Variants in TTC29 observed in about 807,000 individuals in gnomAD.
TTC29 encodes tetratricopeptide repeat domain 29, also known as tetratricopeptide repeat protein 29.
A neutral mutation model predicts 58.1 loss-of-function variants in TTC29; 49 were observed. The ratio of observed to expected loss-of-function variants is 0.84; its 90% confidence interval spans 0.67 to 1.07. The LOEUF is 1.07. TTC29 is among the 50% of genes least tolerant of loss of function. The probability of loss-of-function intolerance (pLI) is 0.00; values close to 1 mark genes in which losing one functional copy is unlikely to be tolerated. For missense variants in TTC29, 582 were observed against 555.6 expected (o/e 1.05, Z -0.48); for synonymous variants, 209 against 196.8 (o/e 1.06, Z -0.52).
intron 9 of TTC29, among the ~76,000 whole-genome samples, chr4:146,832,727 G>A (rs1728249915): frequency 2.0e-5 from 3 of 152,072 alleles, no homozygotes; most frequent in Non-Finnish European, 2.9e-5. Context: ...CCTGACCTCA[G>A]GTGATCTGCT....
chr4:146,846,874 A>G (rs75736990), intron 8 of TTC29, among the ~76,000 whole-genome samples: 1 of 152,178 alleles, frequency 6.6e-6, no homozygotes, highest in Non-Finnish European at 1.5e-5. Flanking sequence ...GAAAGCCTTG[A>G]AAAACATGTT....
At chr4:146,938,763 A>G (rs1736083269) in intron 3 of TTC29, among the ~76,000 whole-genome samples, 2 of 152,338 alleles carry the variant, frequency 1.3e-5, no homozygotes, top group South Asian at 4.1e-4. Context: ...GCATGAGAAC[A>G]AAGAAACCTC....
At chr4:146,800,419 T>C (rs1014332832) in intron 11 of TTC29, among the ~76,000 whole-genome samples, 1 of 152,220 alleles carries the variant, frequency 6.6e-6, no homozygotes, top group African/African-American at 2.4e-5. Context: ...ATCTTTCAGA[T>C]CTTTGATCTG....
At chr4:146,940,534 T>C (rs1197746247) in intron 2 of TTC29, among the ~76,000 whole-genome samples, 1 of 152,220 alleles carries the variant, frequency 6.6e-6, no homozygotes, top group African/African-American at 2.4e-5. Context: ...CAGGGTATCA[T>C]AGGCATGGAT....
intron 11 of TTC29, among the ~76,000 whole-genome samples, chr4:146,745,457 C>A (rs1334508656): frequency 1.3e-5 from 2 of 152,130 alleles, no homozygotes; most frequent in African/African-American, 4.8e-5. Flanking sequence ...TGGTTCTCTG[C>A]AGGGTGCAGC....
At chr4:146,869,375 C>T (rs1269437327) in intron 7 of TTC29, among the ~76,000 whole-genome samples, 2 of 152,102 alleles carry the variant, frequency 1.3e-5, no homozygotes, top group African/African-American at 4.8e-5. Flanking sequence ...CTAGCTATTT[C>T]CCTGATTGCA....
chr4:146,920,526 G>A (rs1734509064), intron 4 of TTC29, among the ~76,000 whole-genome samples: 1 of 151,006 alleles, frequency 6.6e-6, no homozygotes, highest in Non-Finnish European at 1.5e-5. Context: ...GTAATGTAAT[G>A]GAAGATAGTG....
At chr4:146,776,847 C>T (rs993618552) in intron 11 of TTC29, among the ~76,000 whole-genome samples, 10 of 152,136 alleles carry the variant, frequency 6.6e-5, no homozygotes, top group South Asian at 2.1e-4. Flanking sequence ...CAGGCCGGGG[C>T]GAGTTGCCAG....
chr4:146,746,392 G>A (rs1745551119), intron 11 of TTC29, among the ~76,000 whole-genome samples: 1 of 152,060 alleles, frequency 6.6e-6, no homozygotes, highest in Admixed American at 6.5e-5. Flanking sequence ...AATATACTTA[G>A]TACTGATTTT....
intron 11 of TTC29, among the ~76,000 whole-genome samples, chr4:146,775,317 T>C (rs532275668): frequency 1.1e-4 from 16 of 152,260 alleles, no homozygotes; most frequent in African/African-American, 3.8e-4. Context: ...TATGCAGACT[T>C]GATTGTGTGA....
intron 8 of TTC29, among the ~76,000 whole-genome samples, chr4:146,852,796 T>A (rs1729594909): frequency 6.6e-6 from 1 of 152,216 alleles, no homozygotes. Context: ...AACATCAACA[T>A]AATTATTACC....
chr4:146,871,365 C>A (rs1360450968), intron 7 of TTC29, among the ~76,000 whole-genome samples: 1 of 151,792 alleles, frequency 6.6e-6, no homozygotes, highest in Non-Finnish European at 1.5e-5. Context: ...TACAAAAAAA[C>A]CCTCAGTAAA....
intron 4 of TTC29, among the ~76,000 whole-genome samples, chr4:146,930,601 A>C (rs145291762): frequency 1.3e-5 from 2 of 152,352 alleles, no homozygotes; most frequent in East Asian, 3.9e-4. Context: ...CCATAGTTGC[A>C]GTAACCTCAG....
chr4:146,909,024 A>G lies in TTC29; in HGVS notation c.400+2T>C, dbSNP rs1272035565. 18 of 1,613,118 alleles carry G rather than the reference A, an allele frequency of 1.1e-5. No homozygotes were observed. The highest frequency in any genetic ancestry group is 1.5e-5 in the Non-Finnish European group (18 of 1,179,422). On this transcript the variant is annotated splice_donor_variant, in intron 5 of 12. Transcript: ENST00000325106. LOFTEE classifies it high-confidence loss of function. ...TGCTCTGCCCACAGTCCCACCACTTACCTTTCCTCTCAGCGTCCTCAGCCC... is the reference window on the plus strand; with the variant it reads ...TGCTCTGCCCACAGTCCCACCACTTGCCTTTCCTCTCAGCGTCCTCAGCCC...
In TTC29 at chr4:146,912,191, C is replaced by T. The variant is rs72960315; in HGVS notation, c.177-2942G>A. ...GGCCACATTCAAAGCCATCCTGGGC[C>T]GCATGTGGCCCACGGGCACTGGGTT... On this transcript the variant is annotated intron_variant, in intron 4 of 12. Transcript: ENST00000325106. 5.7e-3 allele frequency among the ~76,000 whole-genome samples: 863 copies of T among 152,210 alleles called. 7 individuals are homozygous for T. Among genetic ancestry groups the T allele is most frequent in the African/African-American group, 0.02 (834 of 41,526 alleles).
In TTC29 at chr4:146,803,450, G is replaced by A. The variant is rs770776309; in HGVS notation, c.1330+7C>T. ...AAACTAAAGTGTTCTAAAAACCAAT[G>A]CCTTACCAGTAACTGGATCAGGTTC... On this transcript the variant is annotated splice_region_variant and intron_variant, in intron 11 of 12. Transcript: ENST00000325106. 1 of 1,552,596 alleles carries A rather than the reference G, an allele frequency of 6.4e-7. No homozygotes were observed. Among genetic ancestry groups the A allele is most frequent in the Non-Finnish European group, 8.7e-7 (1 of 1,143,308 alleles).
chr4:146,834,241 G>A (rs1330683377), intron 8 of TTC29, among the ~76,000 whole-genome samples: 2 of 151,866 alleles, frequency 1.3e-5, no homozygotes, highest in Non-Finnish European at 2.9e-5. Flanking sequence ...CGTAATATAA[G>A]GCAGATTATA....
intron 4 of TTC29, among the ~76,000 whole-genome samples, chr4:146,931,454 G>T (rs895454150): frequency 6.6e-6 from 1 of 152,156 alleles, no homozygotes; most frequent in Non-Finnish European, 1.5e-5. Flanking sequence ...TCGTCTACAC[G>T]TGTTTCATAT....
At chr4:146,789,963 C>T (rs1312650631) in intron 11 of TTC29, among the ~76,000 whole-genome samples, 2 of 152,064 alleles carry the variant, frequency 1.3e-5, no homozygotes, top group African/African-American at 2.4e-5. Flanking sequence ...TAACTGGCTT[C>T]CCCTCAAACT....
Sources: gnomAD v4.1 joint callset for allele counts (sites outside exome capture counted in the v4.1 genomes callset) on GRCh38, gnomAD v4.1.1 for gene constraint, MANE v1.5 for transcripts, NCBI Gene and HGNC (gene_info 2026-07-23, HGNC 2026-07-21) for gene names.